MYL1: variants seen among roughly 807,000 people sequenced by gnomAD.
MYL1 encodes myosin light chain 1, also known as myosin light chain 1/3, skeletal muscle isoform.
Under a neutral mutation model 21.8 loss-of-function variants are expected in MYL1, and 16 were observed. The observed-to-expected ratio is 0.74, with a 90% CI of 0.50 to 1.12. The LOEUF (loss-of-function observed/expected upper bound fraction) is 1.12, where lower values mean the gene tolerates loss of function less well. Ranked by LOEUF, MYL1 falls within the 50% of genes most tolerant of loss-of-function variation. MYL1 has a pLI of 0.00. For missense variants in MYL1, 246 were observed against 241.0 expected (o/e 1.02, Z -0.14); for synonymous variants, 99 against 85.2 (o/e 1.16, Z -0.89).
At chr2:210,303,767 T>C (rs914056098) in intron 1 of MYL1, 2 of 427,804 alleles carry the variant, frequency 4.7e-6, no homozygotes, top group Admixed American at 8.9e-5. Flanking sequence ...CCCTGAGAGC[T>C]ATTTTTAGAT....
intron 1 of MYL1, chr2:210,302,844 T>C: frequency 1.3e-6 from 2 of 1,540,026 alleles, no homozygotes; most frequent in Non-Finnish European, 1.8e-6. Flanking sequence ...CTCTTTCAAA[T>C]GCATTGACAG....
At position 210,291,000 on chromosome 2, in the gene MYL1, C is replaced by G. The variant is rs202223553; in HGVS notation, c.*14+32G>C. 130 of 1,448,230 alleles carry G rather than the reference C, an allele frequency of 9.0e-5. 1 individual carries two copies. The South Asian group carries it at 1.1e-3, about 12-fold the overall frequency. The allele number at this position is 1,448,230 out of a possible 1,614,324, so 89.7% of individuals were successfully genotyped here. A position where few individuals can be genotyped will look rare whatever the true frequency, so the allele number is the denominator to read the frequency against. ...TTTAAAAAACACAATATCAAGAAAT[C>G]CTTAAATATTAAAGAGGGAACTGGT... On this transcript the variant is annotated intron_variant, in intron 6 of 6. Transcript: ENST00000352451.
chr2:210,293,624 T>C (rs1559659085), intron 5 of MYL1, 99 bp downstream of exon 5: 17 of 900,594 alleles, frequency 1.9e-5, no homozygotes, highest in South Asian at 1.6e-4. Context: ...GTCATATGTA[T>C]GTCAATAAGG....
At chr2:210,307,115 G>T (rs1293329716) in intron 1 of MYL1, among the ~76,000 whole-genome samples, 1 of 152,040 alleles carries the variant, frequency 6.6e-6, no homozygotes, top group Non-Finnish European at 1.5e-5. Flanking sequence ...TTTTCTCTCT[G>T]TTTCCCCCAG....
intron 3 of MYL1, among the ~76,000 whole-genome samples, chr2:210,297,722 T>A (rs938174166): frequency 1.3e-5 from 2 of 152,026 alleles, no homozygotes; most frequent in Non-Finnish European, 2.9e-5. Context: ...AGTAAATGAC[T>A]TCTGCAATTT....
At chr2:210,303,668 A>G in intron 1 of MYL1, 1 of 1,421,664 alleles carries the variant, frequency 7.0e-7, no homozygotes, top group Non-Finnish European at 9.5e-7. Context: ...CTTTGACCTC[A>G]CAGCTAGCAT....
chr2:210,295,826 G>GAAA (rs753119896), intron 3 of MYL1, among the ~76,000 whole-genome samples: 1 of 69,810 alleles, frequency 1.4e-5, no homozygotes, highest in African/African-American at 4.8e-5. Flanking sequence ...CCCTGCCTCA[G>GAAA]AAAAAAAAAA....
At chr2:210,296,243 G>T (rs1181384954) in intron 3 of MYL1, among the ~76,000 whole-genome samples, 1 of 152,158 alleles carries the variant, frequency 6.6e-6, no homozygotes, top group Non-Finnish European at 1.5e-5. Context: ...ATCAAATAAG[G>T]ATAAATAGCA....
At chr2:210,302,255 G>A (rs1690274768) in intron 2 of MYL1, among the ~76,000 whole-genome samples, 1 of 151,996 alleles carries the variant, frequency 6.6e-6, no homozygotes, top group Non-Finnish European at 1.5e-5. Context: ...GCAAATATAA[G>A]GGCCTATTTG....
chr2:210,296,540 C>CT (rs1339600890), intron 3 of MYL1, among the ~76,000 whole-genome samples: 1 of 152,086 alleles, frequency 6.6e-6, no homozygotes, highest in Non-Finnish European at 1.5e-5. Flanking sequence ...AAACCCAGCA[C>CT]TTTGGGAGGC....
At chr2:210,294,097 A>G (rs1016320362) in intron 4 of MYL1, 148 bp downstream of exon 4, 12 of 876,434 alleles carry the variant, frequency 1.4e-5, no homozygotes, top group African/African-American at 6.9e-5. Flanking sequence ...ACTGAGGCCA[A>G]TTGAAATGGT....
chr2:210,302,596 C>T (rs1690280453), intron 1 of MYL1, 81 bp from the exon 2 acceptor site: 17 of 1,529,462 alleles, frequency 1.1e-5, no homozygotes, highest in Admixed American at 3.8e-5. Flanking sequence ...AGCTCATTCC[C>T]TGAGTAATCT....
chr2:210,298,330 CACACATACT>C (rs377159310), intron 3 of MYL1, 81 bp downstream of exon 3: 15 of 1,366,134 alleles, frequency 1.1e-5, no homozygotes, highest in Admixed American at 1.9e-5. Flanking sequence ...ACTACACACA[CACACATACT>C]ACACACACAC....
chr2:210,312,803 C>T (rs1390668868), intron 1 of MYL1, among the ~76,000 whole-genome samples: 4 of 151,836 alleles, frequency 2.6e-5, no homozygotes, highest in Admixed American at 2.0e-4. Flanking sequence ...CATCACATCT[C>T]TTGTTCTGCA....
Position 210,298,461 on chromosome 2 carries a change from T to A in MYL1, c.263A>T (p.Asn88Ile), listed in dbSNP as rs1364957712. ...VLRALGTNPTNAEVRKVLGNP... is the reference protein window; with the variant it reads ...VLRALGTNPTIAEVRKVLGNP... ...TCCCAGAACTTTCCTGACCTCTGCATTGGTGGGATTTGTGCCCAGAGCTCG... is the reference window on the plus strand; with the variant it reads ...TCCCAGAACTTTCCTGACCTCTGCAATGGTGGGATTTGTGCCCAGAGCTCG... Residue 88 changes from asparagine (N) to isoleucine (I), a missense_variant, in exon 3 of 7, where the codon AAT becomes ATT. By Grantham distance (149) the Asn-to-Ile change is moderately radical. Transcript: ENST00000352451. The A allele has an allele frequency of 6.2e-7, 1 of 1,614,006 alleles. No homozygotes were observed. Among genetic ancestry groups the A allele is most frequent in the South Asian group, 1.1e-5 (1 of 91,074 alleles).
chr2:210,294,249 G>C lies in MYL1; in HGVS notation c.474C>G (p.Thr158=). 6.2e-7 allele frequency: 1 copy of C among 1,608,540 alleles called. No homozygotes were observed. The highest frequency in any genetic ancestry group is 8.5e-7 in the Non-Finnish European group (1 of 1,177,736). The change falls in exon 4 of 7, where the codon ACC becomes ACG. Residue 158 remains threonine, a synonymous_variant. Coordinates refer to ENST00000352451, the MANE Select transcript of MYL1 (RefSeq NM_079420.3). ...CACTGAAATAAATTCCCTTACCCAGGGTGGCTAGAACATGGCGGAGTTCAG... is the reference window on the plus strand; with the variant it reads ...CACTGAAATAAATTCCCTTACCCAGCGTGGCTAGAACATGGCGGAGTTCAG... The part of the protein sequence containing the change: ...MGAELRHVLA[T]LGEKMKEEEV...
At chr2:210,294,489 A>C in intron 3 of MYL1, 71 bp from the exon 4 acceptor site, 1 of 1,433,250 alleles carries the variant, frequency 7.0e-7, no homozygotes, top group South Asian at 1.3e-5. Flanking sequence ...TTTAAACTTG[A>C]AAAGTTATTC....
intron 3 of MYL1, among the ~76,000 whole-genome samples, chr2:210,296,608 G>C (rs992639440): frequency 1.3e-5 from 2 of 152,032 alleles, no homozygotes; most frequent in Admixed American, 6.6e-5. Flanking sequence ...AACATGGCAA[G>C]GTCCTATCTC....
At chr2:210,298,338 C>CACACACACA (rs1690209251) in intron 3 of MYL1, 82 bp downstream of exon 3, 1 of 1,292,746 alleles carries the variant, frequency 7.7e-7, no homozygotes, top group Non-Finnish European at 1.1e-6. Flanking sequence ...CACACACATA[C>CACACACACA]TACACACACA....
Sources: allele counts gnomAD v4.1 joint callset (sites outside exome capture counted in the v4.1 genomes callset), GRCh38; gene constraint gnomAD v4.1.1; transcripts MANE v1.5; gene names NCBI Gene and HGNC (gene_info 2026-07-23, HGNC 2026-07-21).